Variants in XKR6 observed in about 807,000 individuals in gnomAD.
XKR6 encodes XK related 6.
In XKR6, 22 loss-of-function variants were observed where a neutral mutation model predicts 56.7. The ratio of observed to expected loss-of-function variants is 0.39; its 90% CI spans 0.28 to 0.55. The LOEUF (loss-of-function observed/expected upper bound fraction) is 0.55. Ranked by LOEUF, XKR6 falls within the 20% of genes least tolerant of loss-of-function variation. The pLI is 0.66. For missense variants in XKR6, 852 were observed against 889.0 expected (o/e 0.96, Z 0.53); for synonymous variants, 524 against 387.8 (o/e 1.35, Z -4.13).
chr8:11,006,306 T>C (rs1798367744), intron 1 of XKR6, among the ~76,000 whole-genome samples: 1 of 152,176 alleles, frequency 6.6e-6, no homozygotes, highest in Non-Finnish European at 1.5e-5. Flanking sequence ...CAGCGCCTAC[T>C]GTGGACAATG....
intron 1 of XKR6, among the ~76,000 whole-genome samples, chr8:10,980,423 T>C (rs1247929285): frequency 3.3e-5 from 5 of 152,208 alleles, no homozygotes; most frequent in South Asian, 4.1e-4. Context: ...CTAACCTGGC[T>C]TATAAGTAGG....
chr8:10,989,753 A>G (rs1256755211), intron 1 of XKR6, among the ~76,000 whole-genome samples: 1 of 152,244 alleles, frequency 6.6e-6, no homozygotes, highest in African/African-American at 2.4e-5. Context: ...AGTATTATTA[A>G]TAACATTTTG....
At chr8:11,053,456 T>C (rs1475675297) in intron 1 of XKR6, among the ~76,000 whole-genome samples, 3 of 152,190 alleles carry the variant, frequency 2.0e-5, no homozygotes. Context: ...CCCAGAGAGC[T>C]GCATCTCTTC....
At chr8:11,154,170 T>C (rs761853501) in intron 1 of XKR6, among the ~76,000 whole-genome samples, 1 of 152,170 alleles carries the variant, frequency 6.6e-6, no homozygotes, top group Non-Finnish European at 1.5e-5. Flanking sequence ...GGGTTGGCCA[T>C]ATGAGAAGGA....
At chr8:10,905,462 T>G (rs1800159377) in intron 2 of XKR6, among the ~76,000 whole-genome samples, 1 of 152,162 alleles carries the variant, frequency 6.6e-6, no homozygotes. Context: ...ATATTGTAGA[T>G]GAGGAGACCG....
At chr8:11,008,944 G>T (rs112880882) in intron 1 of XKR6, among the ~76,000 whole-genome samples, 40 of 152,226 alleles carry the variant, frequency 2.6e-4, no homozygotes, top group Middle Eastern at 6.8e-3. Flanking sequence ...CATGCACAAA[G>T]GTCTTCCAAC....
intron 1 of XKR6, among the ~76,000 whole-genome samples, chr8:11,111,334 T>C (rs556572722): frequency 5.3e-5 from 8 of 152,276 alleles, no homozygotes; most frequent in African/African-American, 9.6e-5. Context: ...TCTCTCCTCA[T>C]TGGCACTTCT....
chr8:11,145,349 C>CTTAG (rs1800928682), intron 1 of XKR6, among the ~76,000 whole-genome samples: 1 of 152,106 alleles, frequency 6.6e-6, no homozygotes, highest in Non-Finnish European at 1.5e-5. Flanking sequence ...AAGTCTCCCA[C>CTTAG]AACTAAAGAT....
chr8:11,018,904 G>A (rs1290296468), intron 1 of XKR6, among the ~76,000 whole-genome samples: 1 of 152,030 alleles, frequency 6.6e-6, no homozygotes, highest in Non-Finnish European at 1.5e-5. Context: ...ACCACTTCCT[G>A]CTTCCCAAAG....
At chr8:10,985,377 T>C (rs2129138700) in intron 1 of XKR6, among the ~76,000 whole-genome samples, 1 of 152,210 alleles carries the variant, frequency 6.6e-6, no homozygotes, top group East Asian at 1.9e-4. Flanking sequence ...TTGCTCTTTC[T>C]TCCTGAACTT....
At chr8:11,091,069 T>A (rs1279736819) in intron 1 of XKR6, among the ~76,000 whole-genome samples, 1 of 152,094 alleles carries the variant, frequency 6.6e-6, no homozygotes, top group African/African-American at 2.4e-5. Context: ...TAGGAAAGCA[T>A]GTCTGTACCA....
intron 1 of XKR6, among the ~76,000 whole-genome samples, chr8:11,158,195 GGA>G (rs1361212737): frequency 6.6e-6 from 1 of 152,140 alleles, no homozygotes; most frequent in Non-Finnish European, 1.5e-5. Context: ...TAATGACAGG[GGA>G]AATACAGTGT....
chr8:10,989,947 A>T (rs918629414), intron 1 of XKR6, among the ~76,000 whole-genome samples: 1 of 152,214 alleles, frequency 6.6e-6, no homozygotes, highest in Non-Finnish European at 1.5e-5. Flanking sequence ...GAAGTGTGTC[A>T]TGCTTCATTC....
chr8:11,153,557 C>T (rs1292538178), intron 1 of XKR6, among the ~76,000 whole-genome samples: 2 of 152,154 alleles, frequency 1.3e-5, no homozygotes, highest in East Asian at 1.9e-4. Flanking sequence ...TAAGCCATAA[C>T]AGATTTCTTT....
intron 1 of XKR6, among the ~76,000 whole-genome samples, chr8:11,198,152 CAA>C (rs1563214150): frequency 6.6e-6 from 1 of 152,174 alleles, no homozygotes; most frequent in African/African-American, 2.4e-5. Flanking sequence ...AACACATTGA[CAA>C]GCAATTGTTT....
intron 1 of XKR6, among the ~76,000 whole-genome samples, chr8:11,086,396 G>A (rs1440837845): frequency 1.3e-5 from 2 of 152,080 alleles, no homozygotes; most frequent in African/African-American, 2.4e-5. Context: ...GGTGCTATTC[G>A]CTGTTATCCA....
intron 1 of XKR6, among the ~76,000 whole-genome samples, chr8:11,139,027 G>C (rs972647426): frequency 2.0e-5 from 3 of 151,750 alleles, no homozygotes; most frequent in Non-Finnish European, 4.4e-5. Context: ...TCAGTAACTT[G>C]TTAATGATTA....
intron 1 of XKR6, among the ~76,000 whole-genome samples, chr8:11,193,946 C>A (rs983257328): frequency 2.0e-4 from 31 of 152,138 alleles, no homozygotes; most frequent in African/African-American, 7.5e-4. Flanking sequence ...AAAGTCAGCA[C>A]AAGTTTCTCA....
At chr8:10,931,815 G>A (rs1169077450) in intron 1 of XKR6, among the ~76,000 whole-genome samples, 1 of 145,864 alleles carries the variant, frequency 6.9e-6, no homozygotes, top group Non-Finnish European at 1.5e-5. Context: ...TGACAGCAAA[G>A]GCATGATCCA....
Sources: allele counts gnomAD v4.1 joint callset (sites outside exome capture counted in the v4.1 genomes callset), GRCh38; gene constraint gnomAD v4.1.1; transcripts MANE v1.5; gene names NCBI Gene and HGNC (gene_info 2026-07-23, HGNC 2026-07-21).